The following ZNF678 variants were observed in gnomAD, a reference collection of about 807,000 sequenced individuals.
The protein encoded by ZNF678 is hypothetical protein MGC42493.
Under a neutral mutation model 3.0 loss-of-function variants are expected in ZNF678, and 5 were observed. The observed-to-expected ratio is 1.69, with a 90% confidence interval of 0.88 to 3.56. The LOEUF (loss-of-function observed/expected upper bound fraction) is 3.56, where lower values mean the gene tolerates loss of function less well. Among genes scored for constraint, ZNF678 ranks in the 30% most tolerant of loss-of-function variants. ZNF678 has a pLI of 0.00. For missense variants in ZNF678, 593 were observed against 605.0 expected (o/e 0.98, Z 0.21); for synonymous variants, 218 against 199.6 (o/e 1.09, Z -0.78).
chr1:227,571,443 T>C (rs1011083959), intron 1 of ZNF678, among the ~76,000 whole-genome samples: 2 of 152,254 alleles, frequency 1.3e-5, no homozygotes, highest in Admixed American at 1.3e-4. Context: ...ATCGGTTTAT[T>C]GTATTCTTGG....
At chr1:227,575,393 CGTTT>C (rs1249304776) in intron 1 of ZNF678, among the ~76,000 whole-genome samples, 1 of 151,934 alleles carries the variant, frequency 6.6e-6, no homozygotes, top group African/African-American at 2.4e-5. Flanking sequence ...AATGTTTTTC[CGTTT>C]GTTTGTGTTG....
At chr1:227,621,792 G>A (rs898547977) in intron 1 of ZNF678, among the ~76,000 whole-genome samples, 11 of 152,162 alleles carry the variant, frequency 7.2e-5, no homozygotes, top group African/African-American at 2.7e-4. Context: ...TTTAGGCTAT[G>A]ACAAGAAGGG....
chr1:227,588,634 G>A (rs1248980047), intron 1 of ZNF678, among the ~76,000 whole-genome samples: 4 of 151,236 alleles, frequency 2.6e-5, no homozygotes, highest in African/African-American at 7.3e-5. Context: ...TGAGTAGCTG[G>A]GATTACATGG....
downstream of ZNF678, among the ~76,000 whole-genome samples, chr1:227,666,413 C>T (rs1187476868): frequency 6.6e-6 from 1 of 152,150 alleles, no homozygotes; most frequent in Admixed American, 6.5e-5. Context: ...TCATATGAGT[C>T]ATTTTTTAAG....
At chr1:227,610,595 A>AT (rs1161710669) in intron 1 of ZNF678, among the ~76,000 whole-genome samples, 1 of 152,026 alleles carries the variant, frequency 6.6e-6, no homozygotes, top group Non-Finnish European at 1.5e-5. Flanking sequence ...AGGACCCATC[A>AT]TTTTTTCACA....
At chr1:227,567,710 A>AT in intron 1 of ZNF678, among the ~76,000 whole-genome samples, 1 of 149,846 alleles carries the variant, frequency 6.7e-6, no homozygotes, top group East Asian at 2.0e-4. Flanking sequence ...TTTTATTTTT[A>AT]TTTTTTTATT....
At chr1:227,599,445 A>G (rs1162849279) in intron 1 of ZNF678, among the ~76,000 whole-genome samples, 1 of 152,212 alleles carries the variant, frequency 6.6e-6, no homozygotes, top group Non-Finnish European at 1.5e-5. Flanking sequence ...GTGAAATTTT[A>G]TCTTTGAAAG....
chr1:227,596,894 A>G (rs1355168819), intron 1 of ZNF678, among the ~76,000 whole-genome samples: 2 of 152,240 alleles, frequency 1.3e-5, no homozygotes, highest in Non-Finnish European at 2.9e-5. Context: ...AAAGAAAATT[A>G]TAAAATAAGG....
At chr1:227,628,895 A>T (rs1017739510) in intron 1 of ZNF678, among the ~76,000 whole-genome samples, 1 of 152,242 alleles carries the variant, frequency 6.6e-6, no homozygotes, top group Non-Finnish European at 1.5e-5. Flanking sequence ...TTCAAAGGCA[A>T]ACAAGAATTG....
At chr1:227,637,664 C>G (rs954372612) in intron 1 of ZNF678, among the ~76,000 whole-genome samples, 1 of 152,108 alleles carries the variant, frequency 6.6e-6, no homozygotes, top group East Asian at 1.9e-4. Context: ...ATGGAAAGGT[C>G]GGGTAATAGG....
chr1:227,672,993 G>T (rs1659625545), intron 5 of ZNF678, among the ~76,000 whole-genome samples: 1 of 152,112 alleles, frequency 6.6e-6, no homozygotes, highest in Admixed American at 6.5e-5. Flanking sequence ...GCCCAGTAGG[G>T]TTGGCTCAAC....
chr1:227,670,717 C>T (rs972143337), intron 5 of ZNF678, among the ~76,000 whole-genome samples: 3 of 152,218 alleles, frequency 2.0e-5, no homozygotes, highest in Non-Finnish European at 4.4e-5. Flanking sequence ...GGATTGCACA[C>T]CCCTCACCTA....
intron 1 of ZNF678, among the ~76,000 whole-genome samples, chr1:227,595,421 C>A (rs1465909170): frequency 2.0e-5 from 3 of 152,178 alleles, no homozygotes; most frequent in Non-Finnish European, 4.4e-5. Context: ...ACCTTTGAAA[C>A]AAGGGACCTA....
intron 1 of ZNF678, among the ~76,000 whole-genome samples, chr1:227,568,913 G>A (rs1401774360): frequency 6.6e-6 from 1 of 152,232 alleles, no homozygotes; most frequent in East Asian, 1.9e-4. Context: ...AAGTGCAGGA[G>A]CGGCAGCTGG....
intron 5 of ZNF678, among the ~76,000 whole-genome samples, chr1:227,668,696 A>C (rs1659549174): frequency 6.6e-6 from 1 of 152,232 alleles, no homozygotes; most frequent in Non-Finnish European, 1.5e-5. Context: ...TATGTTTAAA[A>C]TATAATTTGA....
intron 5 of ZNF678, among the ~76,000 whole-genome samples, chr1:227,667,904 A>C (rs1294182197): frequency 6.6e-6 from 1 of 152,212 alleles, no homozygotes; most frequent in Non-Finnish European, 1.5e-5. Flanking sequence ...TATTGAGAAA[A>C]GCTAAGGTAT....
At chr1:227,597,902 A>G (rs1208121093) in intron 1 of ZNF678, among the ~76,000 whole-genome samples, 2 of 152,226 alleles carry the variant, frequency 1.3e-5, no homozygotes, top group African/African-American at 4.8e-5. Context: ...AAGGCACACT[A>G]TTCTGCTAGC....
intron 1 of ZNF678, among the ~76,000 whole-genome samples, chr1:227,633,414 A>G (rs1571901836): frequency 6.6e-6 from 1 of 152,262 alleles, no homozygotes; most frequent in East Asian, 1.9e-4. Context: ...CCTAATTGGT[A>G]TTTTAGTGAG....
chr1:227,633,277 G>T (rs754470527), intron 1 of ZNF678, among the ~76,000 whole-genome samples: 3 of 152,188 alleles, frequency 2.0e-5, no homozygotes, highest in Non-Finnish European at 4.4e-5. Context: ...CCCATACAAC[G>T]GGAGAAGACC....
Sources: gnomAD v4.1 joint callset for allele counts (sites outside exome capture counted in the v4.1 genomes callset) on GRCh38, gnomAD v4.1.1 for gene constraint, MANE v1.5 for transcripts, NCBI Gene and HGNC (gene_info 2026-07-23, HGNC 2026-07-21) for gene names.